Variants in RASGRF2 observed in about 807,000 individuals in gnomAD.
RASGRF2 encodes Ras protein specific guanine nucleotide releasing factor 2, also known as ras-specific guanine nucleotide-releasing factor 2.
RASGRF2 carries 76 observed loss-of-function variants against 151.0 expected under a neutral mutation model. The observed-to-expected ratio is 0.50, with a 90% confidence interval of 0.42 to 0.61. The LOEUF is 0.61. Ranked by LOEUF, RASGRF2 falls within the 20% of genes least tolerant of loss-of-function variation. The pLI is 0.00. For synonymous variants in RASGRF2, 504 were observed against 566.5 expected, an observed-to-expected ratio of 0.89 and a Z score of 1.57; for missense variants, 1,148 against 1,564.6, an observed-to-expected ratio of 0.73 and a Z score of 4.49.
chr5:81,077,234 G>A (rs1751965267), intron 5 of RASGRF2, among the ~76,000 whole-genome samples: 1 of 152,168 alleles, frequency 6.6e-6, no homozygotes, highest in South Asian at 2.1e-4. Flanking sequence ...TTGAGACAGG[G>A]AAGGGATGCA....
chr5:81,013,959 C>T (rs531717501), intron 1 of RASGRF2, among the ~76,000 whole-genome samples: 1 of 152,080 alleles, frequency 6.6e-6, no homozygotes, highest in African/African-American at 2.4e-5. Flanking sequence ...TTTTTATACT[C>T]ATTAGAAAGT....
intron 18 of RASGRF2, among the ~76,000 whole-genome samples, chr5:81,190,721 G>A (rs1038757350): frequency 4.6e-5 from 7 of 151,980 alleles, no homozygotes; most frequent in African/African-American, 1.5e-4. Flanking sequence ...CATCCCTATT[G>A]TTATCCTTTA....
At position 81,094,902 on chromosome 5, in the gene RASGRF2, G is replaced by A; in HGVS notation, c.1665G>A (p.Val555=). 6.2e-7 allele frequency: 1 copy of A among 1,603,574 alleles called. No homozygotes were observed. The highest frequency in any genetic ancestry group is 8.5e-7 in the Non-Finnish European group (1 of 1,171,440). ...QVFGHLDFKI[V]VEPPDAAAFT... ...TTGGGCACCTGGATTTTAAAATAGT[G>A]GTGGAGCCTCCTGACGCTGCCGCCT... Residue 555 remains valine, a synonymous_variant, in exon 12 of 27, where the codon GTG becomes GTA. Transcript: ENST00000265080.
intron 1 of RASGRF2, among the ~76,000 whole-genome samples, chr5:80,970,948 A>G (rs2112217351): frequency 6.6e-6 from 1 of 152,130 alleles, no homozygotes; most frequent in South Asian, 2.1e-4. Flanking sequence ...ACAATAATAC[A>G]CCATTTCTGT....
chr5:81,079,723 T>G (rs185691881), intron 5 of RASGRF2, among the ~76,000 whole-genome samples: 25 of 152,328 alleles, frequency 1.6e-4, no homozygotes, highest in African/African-American at 5.5e-4. Flanking sequence ...ACCTCTCTCC[T>G]TCTGTCAAAA....
At position 80,967,821 on chromosome 5, in the gene RASGRF2, T is replaced by C. The variant is rs72769217; in HGVS notation, c.288+6795T>C. Among the ~76,000 whole-genome samples, 466 of 152,316 alleles carry C rather than the reference T, an allele frequency of 3.1e-3. 3 individuals are homozygous for C. Among genetic ancestry groups the C allele is most frequent in the Non-Finnish European group, 5.3e-3 (363 of 68,032 alleles). ...TTATAACTGATCACAAAAGAAGTCA[T>C]GACGAGATAATGTCAGTGATTCATA... is the stretch of plus-strand genomic sequence containing the variant. On this transcript the variant is annotated intron_variant, in intron 1 of 26. Coordinates refer to ENST00000265080, the MANE Select transcript of RASGRF2 (RefSeq NM_006909.3).
intron 1 of RASGRF2, among the ~76,000 whole-genome samples, chr5:80,966,490 A>C (rs1747728608): frequency 6.6e-6 from 1 of 152,214 alleles, no homozygotes; most frequent in Admixed American, 6.5e-5. Flanking sequence ...TCTAAAATCT[A>C]ACCATTATTC....
At chr5:81,007,172 C>T (rs955398265) in intron 1 of RASGRF2, among the ~76,000 whole-genome samples, 3 of 152,086 alleles carry the variant, frequency 2.0e-5, no homozygotes, top group South Asian at 4.2e-4. Context: ...GCTTCTCATT[C>T]GGGAGGGGGT....
intron 22 of RASGRF2, among the ~76,000 whole-genome samples, chr5:81,208,908 G>C (rs972673929): frequency 1.4e-4 from 21 of 151,852 alleles, no homozygotes; most frequent in African/African-American, 5.1e-4. Context: ...AAATCTCTAA[G>C]AGCTCACAGT....
At chr5:81,061,581 C>T (rs1269718796) in intron 2 of RASGRF2, among the ~76,000 whole-genome samples, 6 of 151,058 alleles carry the variant, frequency 4.0e-5, no homozygotes, top group Non-Finnish European at 4.4e-5. Context: ...AATCATAGCT[C>T]ACTGCAGCTT....
intron 1 of RASGRF2, among the ~76,000 whole-genome samples, chr5:81,009,946 C>T (rs1173840825): frequency 1.3e-5 from 2 of 151,938 alleles, no homozygotes; most frequent in Non-Finnish European, 2.9e-5. Flanking sequence ...ATCACAAGGT[C>T]AGGAGTTCGA....
At chr5:80,986,959 CA>C (rs747806714) in intron 1 of RASGRF2, among the ~76,000 whole-genome samples, 1 of 152,174 alleles carries the variant, frequency 6.6e-6, no homozygotes, top group Non-Finnish European at 1.5e-5. Context: ...ACACTGCCCC[CA>C]TATCTGGGCC....
intron 1 of RASGRF2, among the ~76,000 whole-genome samples, chr5:81,011,713 C>CA (rs1303777973): frequency 6.6e-6 from 1 of 150,800 alleles, no homozygotes; most frequent in Non-Finnish European, 1.5e-5. Context: ...TGCACTCCAG[C>CA]CTGGGCAACA....
intron 12 of RASGRF2, among the ~76,000 whole-genome samples, chr5:81,097,241 G>A (rs73127191): frequency 2.0e-5 from 3 of 152,098 alleles, no homozygotes; most frequent in Non-Finnish European, 4.4e-5. Context: ...GATTACACGC[G>A]TGAGCCACTG....
chr5:81,104,425 A>G (rs1354053622), intron 12 of RASGRF2, among the ~76,000 whole-genome samples: 2 of 152,106 alleles, frequency 1.3e-5, no homozygotes, highest in East Asian at 3.8e-4. Context: ...TATTTCGTAG[A>G]TGAATAATTT....
At chr5:81,153,003 A>G (rs191452406) in intron 17 of RASGRF2, among the ~76,000 whole-genome samples, 2 of 152,258 alleles carry the variant, frequency 1.3e-5, no homozygotes, top group Admixed American at 1.3e-4. Context: ...CAACATTGCA[A>G]CTAGCCTGAA....
intron 1 of RASGRF2, among the ~76,000 whole-genome samples, chr5:80,965,657 T>C (rs1004904953): frequency 6.6e-6 from 1 of 152,142 alleles, no homozygotes; most frequent in African/African-American, 2.4e-5. Flanking sequence ...GGGTAGAAAA[T>C]ACTTGTAGTG....
chr5:81,195,064 T>C (rs971109642), intron 18 of RASGRF2, among the ~76,000 whole-genome samples: 3 of 152,248 alleles, frequency 2.0e-5, no homozygotes, highest in African/African-American at 7.2e-5. Flanking sequence ...CTTTGATAAC[T>C]TCAATAAGTA....
At chr5:81,119,675 A>G (rs541334708) in intron 15 of RASGRF2, among the ~76,000 whole-genome samples, 3 of 152,350 alleles carry the variant, frequency 2.0e-5, no homozygotes, top group African/African-American at 7.2e-5. Context: ...TGGCTGCTGG[A>G]GAGCTTTGTC....
Sources: allele counts gnomAD v4.1 joint callset (sites outside exome capture counted in the v4.1 genomes callset), GRCh38; gene constraint gnomAD v4.1.1; transcripts MANE v1.5; gene names NCBI Gene and HGNC (gene_info 2026-07-23, HGNC 2026-07-21).